The following MSL3 variants were observed in gnomAD, a reference collection of about 807,000 sequenced individuals.
The protein encoded by MSL3 is MSL complex subunit 3.
Under a neutral mutation model 37.2 loss-of-function variants are expected in MSL3, and 5 were observed. The observed-to-expected ratio is 0.13, with a 90% CI of 0.07 to 0.28. MSL3 has a LOEUF of 0.28. MSL3 is among the 10% of genes least tolerant of loss of function. The pLI, the probability that MSL3 is intolerant of heterozygous loss-of-function variation, is 1.00. For missense variants in MSL3, 315 were observed against 408.5 expected (o/e 0.77, Z 1.97); for synonymous variants, 149 against 147.6 (o/e 1.01, Z -0.07).
At chrX:11,763,995 C>T in intron 8 of MSL3, 57 bp downstream of exon 8, 1 of 1,043,906 alleles carries the variant, frequency 9.6e-7, no homozygotes, top group African/African-American at 1.9e-5. Context: ...ATGATCAGAT[C>T]CTTGTTTTGA....
At position 11,762,948 on chromosome X, in the gene MSL3, G is replaced by A. The variant is rs773394755; in HGVS notation, c.700G>A (p.Val234Ile). 21 of 1,208,800 alleles carry A rather than the reference G, an allele frequency of 1.7e-5. No homozygotes were observed. The highest frequency in any genetic ancestry group is 3.5e-5 in the African/African-American group (2 of 57,249). ...CAATGAGAGGCCTCGTCACCATCAC[G>A]TTATGCCACATGCCAACATGAACGT... ...SANERPRHHH[V>I]MPHANMNVHY... The change falls in exon 7 of 13, where the codon GTT becomes ATT. Residue 234 changes from valine to isoleucine, a missense_variant. Transcript: ENST00000312196.
At chrX:11,768,486 T>C (rs1437231342) in intron 9 of MSL3, 87 bp from the exon 10 acceptor site, 3 of 599,451 alleles carry the variant, frequency 5.0e-6, no homozygotes, top group African/African-American at 4.5e-5. Flanking sequence ...GAACCAAGTT[T>C]AGATTTATGT....
At chrX:11,774,229 T>C (rs760279187) in intron 12 of MSL3, among the ~76,000 whole-genome samples, 46 of 113,021 alleles carry the variant, frequency 4.1e-4, no homozygotes, top group African/African-American at 1.4e-3. Flanking sequence ...CTAGTTGTTC[T>C]GTTCAATTTT....
At chrX:11,762,527 A>C in intron 6 of MSL3, among the ~76,000 whole-genome samples, 1 of 112,253 alleles carries the variant, frequency 8.9e-6, no homozygotes, top group Non-Finnish European at 1.9e-5. Flanking sequence ...GAATTAATTG[A>C]TCTGTGGTGG....
upstream of MSL3, chrX:11,758,211 C>T (rs2053087954): frequency 4.8e-6 from 2 of 417,082 alleles, no homozygotes; most frequent in Admixed American, 9.9e-5. Flanking sequence ...CGCCCTCCCC[C>T]ACCGCGCGCG....
At chrX:11,767,952 A>G (rs752056681) in intron 9 of MSL3, 949 of 748,864 alleles carry the variant, frequency 1.3e-3, no homozygotes, top group Non-Finnish European at 1.4e-3. Context: ...AAGGTGCTAC[A>G]AAATAAAGTG....
intron 1 of MSL3, among the ~76,000 whole-genome samples, chrX:11,759,366 C>T (rs749474687): frequency 1.8e-5 from 2 of 111,797 alleles, no homozygotes; most frequent in South Asian, 7.6e-4. Context: ...GGGGGCACGC[C>T]CCATCATTAG....
chrX:11,758,296 C>T lies in MSL3; in HGVS notation c.33C>T (p.Phe11=), dbSNP rs1245238003. MSASEGMKFK[F]HSGEKVLCFE... ...CGAGCGAGGGCATGAAATTTAAATT[C>T]CACTCAGGGGAGAAAGTGCTGTGCT... Residue 11 remains phenylalanine (F), a synonymous_variant, in exon 1 of 13, where the codon TTC becomes TTT. Transcript: ENST00000312196. 1 of 1,061,297 alleles carries T rather than the reference C, an allele frequency of 9.4e-7. No individual in the cohort carries two copies. The highest frequency in any genetic ancestry group is 1.2e-6 in the Non-Finnish European group (1 of 808,001). The allele number at this position is 1,061,297 out of a possible 1,213,427, so 87.5% of individuals were successfully genotyped here.
intron 9 of MSL3, 123 bp downstream of exon 9, chrX:11,765,852 A>G: frequency 8.9e-7 from 1 of 1,126,099 alleles, no homozygotes; most frequent in Non-Finnish European, 1.2e-6. Flanking sequence ...TCCCATGTCC[A>G]AAGTGCTGTC....
At chrX:11,758,618 CG>C in intron 1 of MSL3, 1 of 1,145,624 alleles carries the variant, frequency 8.7e-7, no homozygotes, top group Non-Finnish European at 1.2e-6. Flanking sequence ...TGCTTTGTCG[CG>C]TTACCGGGGC....
chrX:11,762,046 TG>T (rs1419513782), intron 5 of MSL3, 83 bp from the exon 6 acceptor site: 2 of 748,463 alleles, frequency 2.7e-6, no homozygotes, highest in Admixed American at 3.8e-5. Context: ...GAGGATTAGC[TG>T]GGTTTGTTTC....
intron 1 of MSL3, chrX:11,759,577 C>T: frequency 9.6e-7 from 1 of 1,042,612 alleles, no homozygotes; most frequent in African/African-American, 1.9e-5. Context: ...GTCTCACGCT[C>T]AGAGACCAAT....
chrX:11,764,082 C>A (rs888926089), intron 8 of MSL3, 144 bp downstream of exon 8: 8 of 524,278 alleles, frequency 1.5e-5, no homozygotes, highest in Non-Finnish European at 2.1e-5. Flanking sequence ...TGGTGGTTTT[C>A]TTTTTTCCTG....
chrX:11,762,070 C>G (rs1409988556), intron 5 of MSL3, 60 bp from the exon 6 acceptor site: 1 of 940,365 alleles, frequency 1.1e-6, no homozygotes, highest in African/African-American at 2.1e-5. Flanking sequence ...AGCAGGCCTT[C>G]CTTGGATATT....
rs1009138691 is a variant in MSL3, at chrX:11,765,919, G to T, written c.1171+190G>T. On this transcript the variant is annotated intron_variant, in intron 9 of 12. Coordinates refer to ENST00000312196, the MANE Select transcript of MSL3 (RefSeq NM_078629.4). ...TGAAACACCTGGCGCAGATTGCAGC[G>T]CAGCTGTGTTGGAGGCAGGACTGGG... 6.4e-6 allele frequency: 7 copies of T among 1,086,460 alleles called. No individual in the cohort carries two copies. In the African/African-American group the frequency reaches 9.2e-5, roughly 14 times the overall value. 89.5% of individuals were successfully genotyped at this position (1,086,460 alleles called of 1,213,427 possible). A position where few individuals can be genotyped will look rare whatever the true frequency, so the allele number is the denominator to read the frequency against.
intron 1 of MSL3, chrX:11,758,754 G>A (rs1327293608): frequency 8.6e-7 from 1 of 1,164,951 alleles, no homozygotes; most frequent in African/African-American, 1.8e-5. Flanking sequence ...CCTGTGGGAC[G>A]CCCTGGCCGT....
intron 2 of MSL3, 68 bp downstream of exon 2, chrX:11,759,943 A>G (rs796159739): frequency 1.8e-6 from 2 of 1,116,778 alleles, no homozygotes; most frequent in South Asian, 4.1e-5. Flanking sequence ...TGCAGACTTA[A>G]GTTTCAGAAA....
At chrX:11,774,754 A>G (rs2053260324) in intron 12 of MSL3, among the ~76,000 whole-genome samples, 1 of 110,396 alleles carries the variant, frequency 9.1e-6, no homozygotes, top group Non-Finnish European at 1.9e-5. Flanking sequence ...TTCTGTTTCC[A>G]TTTGTACACC....
intron 11 of MSL3, 131 bp downstream of exon 11, chrX:11,772,386 A>C: frequency 1.8e-6 from 1 of 540,752 alleles, no homozygotes; most frequent in Non-Finnish European, 3.0e-6. Flanking sequence ...AATTAAAAGT[A>C]ATCTATCAAA....
Sources: allele counts gnomAD v4.1 joint callset (sites outside exome capture counted in the v4.1 genomes callset), GRCh38; gene constraint gnomAD v4.1.1; transcripts MANE v1.5; gene names NCBI Gene and HGNC (gene_info 2026-07-23, HGNC 2026-07-21).